Variants in MDN1 observed in about 807,000 individuals in gnomAD.
MDN1 encodes midasin.
MDN1 carries 266 observed loss-of-function variants against 669.2 expected under a neutral mutation model. The observed-to-expected ratio is 0.40, with a 90% confidence interval of 0.36 to 0.44. The LOEUF is 0.44. Ranked by LOEUF, MDN1 falls within the 20% of genes least tolerant of loss-of-function variation. MDN1 has a pLI of 1.00. For synonymous variants in MDN1, 2,385 were observed against 2,457.1 expected (o/e 0.97, Z 0.87); for missense variants, 5,940 against 6,754.0 (o/e 0.88, Z 4.22).
At chr6:89,700,425 T>C in intron 56 of MDN1, 131 bp from the exon 57 acceptor site, 1 of 789,802 alleles carries the variant, frequency 1.3e-6, no homozygotes, top group Non-Finnish European at 2.0e-6. Flanking sequence ...ACCTAAGCTT[T>C]GAGATTCTCA....
At chr6:89,686,362 T>C (rs1224361310) in intron 69 of MDN1, among the ~76,000 whole-genome samples, 2 of 151,954 alleles carry the variant, frequency 1.3e-5, no homozygotes, top group African/African-American at 2.4e-5. Context: ...GAGGCGGAGA[T>C]TGCAGGGAGC....
At chr6:89,778,384 G>C (rs1400573081) in intron 11 of MDN1, among the ~76,000 whole-genome samples, 2 of 151,876 alleles carry the variant, frequency 1.3e-5, no homozygotes, top group African/African-American at 4.8e-5. Context: ...CAGTTTACAA[G>C]ATGCAAAAAG....
rs1205968228 is a variant in MDN1 at position 89,643,409 on chromosome 6, CTA to C, written c.*594_*595del. 6.6e-6 allele frequency: 1 copy of C among 152,144 alleles called. No individual in the cohort carries two copies. The highest frequency in any genetic ancestry group is 6.5e-5 in the Admixed American group (1 of 15,278). 9.4% of individuals were successfully genotyped at this position (152,144 alleles called of 1,614,324 possible). On this transcript the variant is annotated 3_prime_UTR_variant, in exon 102 of 102. Coordinates refer to ENST00000369393, the MANE Select transcript of MDN1 (RefSeq NM_014611.3). ...TCGTTTTTATAGATGACCTGGGCAC[CTA>C]TAATGTCCAGTTGCTTTATGAGAAC...
At chr6:89,651,477 G>T (rs1046260878) in intron 95 of MDN1, among the ~76,000 whole-genome samples, 1 of 151,892 alleles carries the variant, frequency 6.6e-6, no homozygotes, top group Admixed American at 6.6e-5. Context: ...TTAGTCGGGC[G>T]TGGTGGCAAG....
Position 89,749,567 on chromosome 6 carries a change from G to T in MDN1, c.3591C>A (p.Pro1197=). ...PRFMLFATQN[P]PGLYGGRKVL... is the part of the protein sequence containing the mutation. ...CCTTTCTGCCTCCATAAAGTCCTGG[G>T]GGATTTTGGGTGGCAAAAAGCATAA... is the stretch of plus-strand genomic sequence containing the variant. Residue 1197 remains proline, a synonymous_variant, in exon 25 of 102, where the codon CCC becomes CCA. Transcript: ENST00000369393. 6.2e-7 allele frequency: 1 copy of T among 1,614,138 alleles called. No individual in the cohort carries two copies. Among genetic ancestry groups the T allele is most frequent in the Non-Finnish European group, 8.5e-7 (1 of 1,180,028 alleles).
chr6:89,800,900 G>A (rs567101595), intron 2 of MDN1, among the ~76,000 whole-genome samples: 1 of 152,322 alleles, frequency 6.6e-6, no homozygotes, highest in South Asian at 2.1e-4. Context: ...ACTGACGTCA[G>A]AGAATTGATA....
chr6:89,689,131 A>G (rs551640222), intron 65 of MDN1, among the ~76,000 whole-genome samples: 1 of 152,332 alleles, frequency 6.6e-6, no homozygotes, highest in East Asian at 1.9e-4. Flanking sequence ...GTGCCACTGC[A>G]CTCCAGCCTG....
chr6:89,721,394 G>A (rs1223345088), intron 40 of MDN1, among the ~76,000 whole-genome samples: 1 of 152,198 alleles, frequency 6.6e-6, no homozygotes, highest in African/African-American at 2.4e-5. Context: ...TAACGGTTCT[G>A]CTCCTGGTAA....
intron 11 of MDN1, among the ~76,000 whole-genome samples, chr6:89,777,814 C>T (rs1818431289): frequency 6.6e-6 from 1 of 152,228 alleles, no homozygotes; most frequent in South Asian, 2.1e-4. Flanking sequence ...CCTATGAGTT[C>T]ATCCCCAACC....
At chr6:89,682,789 A>C (rs1811732386) in intron 73 of MDN1, among the ~76,000 whole-genome samples, 1 of 150,086 alleles carries the variant, frequency 6.7e-6, no homozygotes, top group South Asian at 2.1e-4. Context: ...AAAAAAAAAA[A>C]AAAAAAAAAA....
chr6:89,650,855 A>G lies in MDN1; in HGVS notation c.15916-8T>C. 2 of 1,611,672 alleles carry G rather than the reference A, an allele frequency of 1.2e-6. No individual in the cohort carries two copies. The highest frequency in any genetic ancestry group is 1.1e-5 in the South Asian group (1 of 91,020). ...CTCAGCTGCAACCTTCTCCTGTGAC[A>G]ACAACAAAATGTAAGTTACCCTCAG... On this transcript the variant is annotated splice_polypyrimidine_tract_variant and splice_region_variant and intron_variant, in intron 95 of 101. Coordinates refer to ENST00000369393, the MANE Select transcript of MDN1 (RefSeq NM_014611.3).
At chr6:89,799,787 T>C (rs76055183) in intron 2 of MDN1, among the ~76,000 whole-genome samples, 211 of 152,348 alleles carry the variant, frequency 1.4e-3, no homozygotes, top group African/African-American at 4.9e-3. Flanking sequence ...AACTTAAATT[T>C]TGTTAAAAAC....
At chr6:89,698,478 T>C (rs1812923343) in intron 59 of MDN1, among the ~76,000 whole-genome samples, 1 of 151,804 alleles carries the variant, frequency 6.6e-6, no homozygotes, top group East Asian at 1.9e-4. Context: ...CATATATGTG[T>C]ACTTAATTCT....
At chr6:89,736,973 CCTG>C (rs927382618) in intron 33 of MDN1, among the ~76,000 whole-genome samples, 1 of 152,090 alleles carries the variant, frequency 6.6e-6, no homozygotes, top group African/African-American at 2.4e-5. Context: ...ATTCTCTGCC[CCTG>C]CTGAATAAGA....
chr6:89,706,573 T>A (rs1353921110), intron 52 of MDN1, among the ~76,000 whole-genome samples: 1 of 152,176 alleles, frequency 6.6e-6, no homozygotes, highest in Non-Finnish European at 1.5e-5. Context: ...GTATAAAATT[T>A]TCCATTTGTG....
chr6:89,787,693 A>C (rs1819039653), intron 8 of MDN1, among the ~76,000 whole-genome samples, 161 bp downstream of exon 8: 1 of 152,042 alleles, frequency 6.6e-6, no homozygotes, highest in Non-Finnish European at 1.5e-5. Context: ...AATTATCTTC[A>C]TTAAAAATAA....
intron 92 of MDN1, 98 bp downstream of exon 92, chr6:89,655,666 C>G (rs896152047): frequency 8.6e-7 from 1 of 1,168,000 alleles, no homozygotes; most frequent in Admixed American, 2.3e-5. Flanking sequence ...AAACCTCACA[C>G]TGTACCCCAC....
At chr6:89,771,743 C>A in intron 14 of MDN1, 122 bp from the exon 15 acceptor site, 2 of 826,800 alleles carry the variant, frequency 2.4e-6, no homozygotes, top group South Asian at 3.4e-5. Context: ...GAGTCTTGTT[C>A]TGTCAACCAG....
intron 1 of MDN1, among the ~76,000 whole-genome samples, chr6:89,809,411 A>T (rs989532869): frequency 7.9e-5 from 12 of 151,974 alleles, no homozygotes; most frequent in African/African-American, 2.9e-4. Flanking sequence ...CAGGCAGATC[A>T]CTTGAGCCCA....
Sources: gnomAD v4.1 joint callset for allele counts (sites outside exome capture counted in the v4.1 genomes callset) on GRCh38, gnomAD v4.1.1 for gene constraint, MANE v1.5 for transcripts, NCBI Gene and HGNC (gene_info 2026-07-23, HGNC 2026-07-21) for gene names.